Variants in DLGAP2 observed in about 807,000 individuals in gnomAD.
DLGAP2 encodes the protein DLG associated protein 2.
In DLGAP2, 26 loss-of-function variants were observed where a neutral mutation model predicts 100.3. The ratio of observed to expected loss-of-function variants is 0.26; its 90% CI spans 0.19 to 0.36. The LOEUF (loss-of-function observed/expected upper bound fraction) is 0.36. Ranked by LOEUF, DLGAP2 falls within the 10% of genes least tolerant of loss-of-function variation. The probability of loss-of-function intolerance (pLI) is 1.00; values close to 1 mark genes in which losing one functional copy is unlikely to be tolerated. For missense variants in DLGAP2, 1,858 were observed against 1,453.2 expected, an observed-to-expected ratio of 1.28 and a Z score of -4.53; for synonymous variants, 886 against 630.1, an observed-to-expected ratio of 1.41 and a Z score of -6.08.
intron 1 of DLGAP2, among the ~76,000 whole-genome samples, chr8:870,728 C>T (rs1797581536): frequency 6.6e-6 from 1 of 152,222 alleles, no homozygotes; most frequent in Admixed American, 6.5e-5. Flanking sequence ...CACCCCAGCA[C>T]ATTCCCTGAG....
chr8:1,022,941 C>A (rs1195844784), intron 2 of DLGAP2, among the ~76,000 whole-genome samples: 3 of 152,204 alleles, frequency 2.0e-5, no homozygotes, highest in Non-Finnish European at 4.4e-5. Context: ...CAATCTTGAT[C>A]TGAATCTTAG....
chr8:1,094,872 G>A (rs574551985), intron 2 of DLGAP2, among the ~76,000 whole-genome samples: 10 of 152,340 alleles, frequency 6.6e-5, no homozygotes, highest in Non-Finnish European at 1.2e-4. Context: ...CCCCTTGGGC[G>A]AGTGTTTCCT....
At chr8:776,047 A>G (rs909123524) in intron 1 of DLGAP2, among the ~76,000 whole-genome samples, 12 of 152,244 alleles carry the variant, frequency 7.9e-5, no homozygotes, top group African/African-American at 2.9e-4. Flanking sequence ...TGGTCTATTC[A>G]GAGATTCAGC....
At chr8:1,195,795 T>A (rs967070408) in intron 2 of DLGAP2, among the ~76,000 whole-genome samples, 4 of 152,202 alleles carry the variant, frequency 2.6e-5, no homozygotes, top group African/African-American at 9.6e-5. Flanking sequence ...TGTGGCGCGT[T>A]CCCCGGAGTG....
Position 1,625,937 on chromosome 8 carries a change from A to C in DLGAP2, c.1443-803A>C, listed in dbSNP as rs7817676. 1.5e-5 allele frequency among the ~76,000 whole-genome samples: 2 copies of C among 134,802 alleles called. 1 individual carries two copies. Among genetic ancestry groups the C allele is most frequent in the Non-Finnish European group, 3.3e-5 (2 of 61,402 alleles). The allele number at this position is 134,802 out of a possible 152,430, so 88.4% of individuals were successfully genotyped here. ...ATGTGATGCTAGCCTCTGGGTGTGG[A>C]TTGGACGGTCGTTCCCATCTCTGGC... On this transcript the variant is annotated intron_variant, in intron 6 of 14. Transcript: ENST00000637795.
At chr8:1,461,927 C>G (rs1404001746) in intron 3 of DLGAP2, among the ~76,000 whole-genome samples, 5 of 10,546 alleles carry the variant, frequency 4.7e-4, no homozygotes, top group Admixed American at 1.1e-3. Flanking sequence ...GCTGCTGTCA[C>G]GTGGGCTGGG....
chr8:1,228,481 T>A (rs1217301671), intron 2 of DLGAP2, among the ~76,000 whole-genome samples: 1 of 152,210 alleles, frequency 6.6e-6, no homozygotes, highest in Non-Finnish European at 1.5e-5. Flanking sequence ...TGTCTGATAC[T>A]AAAACCATAC....
chr8:1,133,900 A>G (rs1796348561), intron 2 of DLGAP2, among the ~76,000 whole-genome samples: 1 of 152,008 alleles, frequency 6.6e-6, no homozygotes, highest in Non-Finnish European at 1.5e-5. Flanking sequence ...TTACATAGGT[A>G]AATGTGTGTC....
At chr8:1,669,924 C>T (rs1798648023) in intron 10 of DLGAP2, 140 bp downstream of exon 10, 1 of 685,866 alleles carries the variant, frequency 1.5e-6, no homozygotes. Flanking sequence ...TCCCATCTGT[C>T]CCCCTTAGAT....
intron 3 of DLGAP2, chr8:1,300,037 A>T (rs1020761122): frequency 2.0e-5 from 3 of 152,086 alleles, no homozygotes; most frequent in Non-Finnish European, 4.4e-5. Flanking sequence ...TTCCTGAAAG[A>T]CCCTGATCCA....
At chr8:1,512,417 C>T (rs997045450) in intron 4 of DLGAP2, among the ~76,000 whole-genome samples, 11 of 152,136 alleles carry the variant, frequency 7.2e-5, no homozygotes, top group African/African-American at 2.7e-4. Context: ...GGCATAGGGA[C>T]GGGGCCAGCG....
chr8:833,444 C>A (rs932049710), intron 1 of DLGAP2, among the ~76,000 whole-genome samples: 1 of 152,178 alleles, frequency 6.6e-6, no homozygotes, highest in African/African-American at 2.4e-5. Flanking sequence ...CAGCGTTTCC[C>A]AGCTTTGGAG....
intron 2 of DLGAP2, among the ~76,000 whole-genome samples, chr8:1,233,025 C>A (rs776263564): frequency 3.9e-5 from 6 of 152,198 alleles, no homozygotes; most frequent in Non-Finnish European, 5.9e-5. Flanking sequence ...ATAGAACCAT[C>A]TGGCATTGGC....
chr8:1,085,846 C>G (rs949413516), intron 2 of DLGAP2, among the ~76,000 whole-genome samples: 3 of 152,190 alleles, frequency 2.0e-5, no homozygotes, highest in African/African-American at 7.2e-5. Context: ...TGAATCTGCA[C>G]ATCCCTTTGG....
intron 7 of DLGAP2, 81 bp downstream of exon 7, chr8:1,626,968 C>G (rs1043323298): frequency 6.7e-6 from 10 of 1,489,648 alleles, no homozygotes; most frequent in Non-Finnish European, 9.0e-6. Context: ...GCATAGGTGG[C>G]GATGGCGCTG....
At chr8:880,206 A>G (rs1487328435) in intron 1 of DLGAP2, among the ~76,000 whole-genome samples, 1 of 151,792 alleles carries the variant, frequency 6.6e-6, no homozygotes, top group Non-Finnish European at 1.5e-5. Context: ...TCCTTCTCTT[A>G]GGTTTGTTCC....
At chr8:1,595,369 C>G (rs1194247759) in intron 6 of DLGAP2, among the ~76,000 whole-genome samples, 1 of 152,060 alleles carries the variant, frequency 6.6e-6, no homozygotes, top group Non-Finnish European at 1.5e-5. Context: ...ATACTGAAGT[C>G]AAGAAATAGG....
chr8:1,414,637 C>A (rs1796827879), intron 3 of DLGAP2, among the ~76,000 whole-genome samples: 1 of 152,218 alleles, frequency 6.6e-6, no homozygotes. Context: ...CTCTGAGGAT[C>A]CCGCCATCTA....
intron 2 of DLGAP2, among the ~76,000 whole-genome samples, chr8:914,103 A>G (rs190882865): frequency 3.5e-3 from 535 of 152,374 alleles, no homozygotes; most frequent in Non-Finnish European, 5.1e-3. Flanking sequence ...TTACCCAGAT[A>G]CTAAAATTAT....
Sources: allele counts gnomAD v4.1 joint callset (sites outside exome capture counted in the v4.1 genomes callset), GRCh38; gene constraint gnomAD v4.1.1; transcripts MANE v1.5; gene names NCBI Gene and HGNC (gene_info 2026-07-23, HGNC 2026-07-21).